Variants in DPP10 observed in about 807,000 individuals in gnomAD.
DPP10 encodes the protein inactive dipeptidyl peptidase 10.
In DPP10, 33 loss-of-function variants were observed where a neutral mutation model predicts 120.9. The observed-to-expected ratio is 0.27, with a 90% CI of 0.21 to 0.37. DPP10 has a LOEUF of 0.37. Ranked by LOEUF, DPP10 falls within the 10% of genes least tolerant of loss-of-function variation. DPP10 has a pLI of 1.00. For missense variants in DPP10, 816 were observed against 942.8 expected (o/e 0.87, Z 1.76); for synonymous variants, 337 against 326.1 (o/e 1.03, Z -0.36).
chr2:115,163,897 C>G (rs2052630095), intron 1 of DPP10, among the ~76,000 whole-genome samples: 1 of 151,998 alleles, frequency 6.6e-6, no homozygotes, highest in African/African-American at 2.4e-5. Flanking sequence ...GACACGCTGT[C>G]TATACACAAC....
intron 1 of DPP10, among the ~76,000 whole-genome samples, chr2:114,683,511 C>G (rs1229484608): frequency 3.4e-5 from 5 of 146,836 alleles, no homozygotes; most frequent in Admixed American, 2.1e-4. Flanking sequence ...CTTTCCTTCC[C>G]TCTCCCTTCC....
At chr2:115,311,825 G>A (rs2061591830) in intron 2 of DPP10, among the ~76,000 whole-genome samples, 1 of 152,078 alleles carries the variant, frequency 6.6e-6, no homozygotes, top group Non-Finnish European at 1.5e-5. Context: ...GACTGCAGTG[G>A]TGCAATCATG....
intron 5 of DPP10, among the ~76,000 whole-genome samples, chr2:115,565,989 G>A (rs1464504914): frequency 6.6e-6 from 1 of 151,964 alleles, no homozygotes; most frequent in African/African-American, 2.4e-5. Context: ...GTTTCACCAT[G>A]TTGGCCAGGC....
At chr2:114,455,193 G>A (rs989325344) in intron 1 of DPP10, among the ~76,000 whole-genome samples, 1 of 131,332 alleles carries the variant, frequency 7.6e-6, no homozygotes. Flanking sequence ...TGTGTTTGGG[G>A]GTGGTGGCAT....
chr2:115,469,551 C>T (rs1295105510), intron 3 of DPP10, among the ~76,000 whole-genome samples: 7 of 152,264 alleles, frequency 4.6e-5, no homozygotes, highest in African/African-American at 7.2e-5. Flanking sequence ...AGAGGTTCTA[C>T]GATTACAGAT....
intron 4 of DPP10, among the ~76,000 whole-genome samples, chr2:115,502,545 A>G (rs1265194210): frequency 6.6e-6 from 1 of 152,174 alleles, no homozygotes; most frequent in Non-Finnish European, 1.5e-5. Context: ...TTCTGCTGTC[A>G]ATAATCTGAA....
intron 1 of DPP10, among the ~76,000 whole-genome samples, chr2:114,916,997 G>C (rs1163427049): frequency 1.3e-5 from 2 of 152,132 alleles, no homozygotes; most frequent in East Asian, 3.9e-4. Context: ...AGAAGTAAAA[G>C]TCATCCGAAT....
chr2:114,743,914 C>T (rs1014256396), intron 1 of DPP10, among the ~76,000 whole-genome samples: 4 of 151,764 alleles, frequency 2.6e-5, no homozygotes, highest in African/African-American at 9.7e-5. Flanking sequence ...GTCTTGTCCT[C>T]AGGTAGTTTG....
intron 1 of DPP10, among the ~76,000 whole-genome samples, chr2:114,630,402 T>C (rs1328802677): frequency 6.6e-6 from 1 of 152,166 alleles, no homozygotes; most frequent in African/African-American, 2.4e-5. Context: ...TCCAACGTTA[T>C]AGGACAAGCA....
chr2:114,496,997 C>CAT (rs138864175), intron 1 of DPP10, among the ~76,000 whole-genome samples: 8,928 of 150,024 alleles, frequency 0.06, 861 homozygotes, highest in African/African-American at 0.2. Flanking sequence ...CATACACAGA[C>CAT]ATATATATAT....
intron 1 of DPP10, among the ~76,000 whole-genome samples, chr2:114,448,610 T>C (rs2104528573): frequency 6.6e-6 from 1 of 152,264 alleles, no homozygotes; most frequent in South Asian, 2.1e-4. Context: ...CTTTGGTGGG[T>C]GATTCTGATC....
chr2:114,884,264 A>T (rs941867349), intron 1 of DPP10, among the ~76,000 whole-genome samples: 2 of 152,294 alleles, frequency 1.3e-5, no homozygotes, highest in South Asian at 4.1e-4. Flanking sequence ...ATTGCTGTCA[A>T]TATTTTTTGT....
At chr2:115,390,052 A>G (rs1439936000) in intron 3 of DPP10, among the ~76,000 whole-genome samples, 2 of 152,124 alleles carry the variant, frequency 1.3e-5, no homozygotes, top group Admixed American at 6.6e-5. Flanking sequence ...CAACAAGGTT[A>G]TTTGCTGGAC....
chr2:115,204,063 T>C (rs2055939884), intron 1 of DPP10, among the ~76,000 whole-genome samples: 1 of 152,176 alleles, frequency 6.6e-6, no homozygotes, highest in Admixed American at 6.6e-5. Flanking sequence ...ATGAATTTTC[T>C]TCAGTTATCC....
At chr2:115,789,871 A>G (rs1374295751) in intron 17 of DPP10, among the ~76,000 whole-genome samples, 1 of 152,182 alleles carries the variant, frequency 6.6e-6, no homozygotes, top group East Asian at 1.9e-4. Flanking sequence ...AAATCCATGG[A>G]GTATCTAGGA....
intron 6 of DPP10, 41 bp downstream of exon 6, chr2:115,689,780 T>C: frequency 6.2e-7 from 1 of 1,607,536 alleles, no homozygotes; most frequent in Admixed American, 1.7e-5. Context: ...GCAATTGTGT[T>C]ACTAAATTGT....
intron 8 of DPP10, among the ~76,000 whole-genome samples, chr2:115,734,371 G>A (rs748979153): frequency 8.6e-5 from 13 of 151,952 alleles, no homozygotes; most frequent in Non-Finnish European, 1.5e-4. Flanking sequence ...TAGAGTTTAC[G>A]GTGGGGCCGG....
intron 5 of DPP10, among the ~76,000 whole-genome samples, chr2:115,683,437 T>G (rs920138090): frequency 6.6e-6 from 1 of 151,956 alleles, no homozygotes; most frequent in Non-Finnish European, 1.5e-5. Flanking sequence ...CATTATATAC[T>G]CATCATAACT....
At chr2:114,449,771 C>T (rs751865007) in intron 1 of DPP10, among the ~76,000 whole-genome samples, 14 of 152,118 alleles carry the variant, frequency 9.2e-5, no homozygotes, top group South Asian at 2.1e-4. Flanking sequence ...TTTAAGGATA[C>T]GACATTTTCA....
Sources: allele counts gnomAD v4.1 joint callset (sites outside exome capture counted in the v4.1 genomes callset), GRCh38; gene constraint gnomAD v4.1.1; transcripts MANE v1.5; gene names NCBI Gene and HGNC (gene_info 2026-07-23, HGNC 2026-07-21).